The following ELF2 variants were observed in gnomAD, a reference collection of about 807,000 sequenced individuals.
The protein encoded by ELF2 is ETS-related transcription factor Elf-2.
ELF2 carries 11 observed loss-of-function variants against 54.8 expected under a neutral mutation model. The observed-to-expected ratio is 0.20, with a 90% CI of 0.13 to 0.33. ELF2 has a LOEUF of 0.33. Among genes scored for constraint, ELF2 ranks in the 10% least tolerant of loss-of-function variants. The pLI is 1.00. For missense variants in ELF2, 513 were observed against 703.0 expected (o/e 0.73, Z 3.06); for synonymous variants, 203 against 245.1 (o/e 0.83, Z 1.61).
At chr4:139,151,048 G>GAAAAGA (rs1231430491) in intron 1 of ELF2, among the ~76,000 whole-genome samples, 1 of 81,608 alleles carries the variant, frequency 1.2e-5, no homozygotes, top group African/African-American at 3.6e-5. Context: ...AAGAAAGAAA[G>GAAAAGA]AAAGAAAGAA....
At chr4:139,177,797 T>G (rs1274784003), upstream of ELF2, among the ~76,000 whole-genome samples, 1 of 152,112 alleles carries the variant, frequency 6.6e-6, no homozygotes, top group African/African-American at 2.4e-5. Context: ...ACTCTCGCCC[T>G]TCTCCGGAGA....
rs957104638 is a variant in ELF2, at chr4:139,057,645, A to G, written c.*1338T>C. On this transcript the variant is annotated 3_prime_UTR_variant, in exon 10 of 10. Coordinates refer to ENST00000686138, the MANE Select transcript of ELF2 (RefSeq NM_001331036.3). ...TTTAAGTGCAGCCAACTAAAATACTAAATTCATTACGTTAAGCAGAACATT... is the reference window on the plus strand; with the variant it reads ...TTTAAGTGCAGCCAACTAAAATACTGAATTCATTACGTTAAGCAGAACATT... The G allele has an allele frequency of 2.0e-5, 3 of 152,242 alleles. No individual in the cohort carries two copies. The highest frequency in any genetic ancestry group is 4.8e-5 in the African/African-American group (2 of 41,466). The allele number at this position is 152,242 out of a possible 1,614,324, so 9.4% of individuals were successfully genotyped here.
intron 1 of ELF2, among the ~76,000 whole-genome samples, chr4:139,145,822 T>C (rs1318503797): frequency 6.6e-6 from 1 of 151,986 alleles, no homozygotes; most frequent in African/African-American, 2.4e-5. Context: ...GAAAAAACAT[T>C]CAATAAAATC....
chr4:139,149,827 C>G (rs1032168506), intron 1 of ELF2, among the ~76,000 whole-genome samples: 15 of 152,140 alleles, frequency 9.9e-5, no homozygotes, highest in African/African-American at 3.6e-4. Context: ...CCAAATTAAT[C>G]TATCAAAAAA....
At chr4:139,115,133 G>C (rs1331032397) in intron 4 of ELF2, 48 of 1,613,384 alleles carry the variant, frequency 3.0e-5, no homozygotes, top group Non-Finnish European at 4.1e-5. Context: ...TCGTAGAGGC[G>C]CGTGAGCTGC....
At chr4:139,143,996 G>C (rs1738967828) in intron 1 of ELF2, among the ~76,000 whole-genome samples, 1 of 151,868 alleles carries the variant, frequency 6.6e-6, no homozygotes, top group Non-Finnish European at 1.5e-5. Context: ...ATTGGAGGTA[G>C]TATTGGCATG....
chr4:139,062,179 T>TG, intron 7 of ELF2, 122 bp from the exon 8 acceptor site: 2 of 1,093,868 alleles, frequency 1.8e-6, no homozygotes, highest in Non-Finnish European at 2.5e-6. Context: ...TTCTACTTTT[T>TG]TTTTTTTTGG....
intron 4 of ELF2, among the ~76,000 whole-genome samples, chr4:139,121,319 A>T (rs373926951): frequency 1.3e-5 from 2 of 151,348 alleles, no homozygotes; most frequent in African/African-American, 4.8e-5. Flanking sequence ...CGTGTTAGCC[A>T]GGATGGTCTC....
intron 4 of ELF2, among the ~76,000 whole-genome samples, chr4:139,117,600 C>A (rs1244688155): frequency 6.6e-6 from 1 of 152,064 alleles, no homozygotes; most frequent in Admixed American, 6.5e-5. Flanking sequence ...GAGACTGAGG[C>A]ACAAGAATTG....
chr4:139,169,217 G>A (rs925264526), intron 1 of ELF2, among the ~76,000 whole-genome samples: 21 of 151,844 alleles, frequency 1.4e-4, no homozygotes, highest in African/African-American at 5.1e-4. Context: ...GCATGGTGGC[G>A]CAGGCCTGTA....
chr4:139,118,592 G>A (rs1735991127), intron 4 of ELF2, among the ~76,000 whole-genome samples: 1 of 152,196 alleles, frequency 6.6e-6, no homozygotes, highest in Middle Eastern at 3.4e-3. Context: ...CTGATAAAGA[G>A]CTTCAGTAGA....
intron 6 of ELF2, 73 bp from the exon 7 acceptor site, chr4:139,067,843 T>C (rs1220817570): frequency 7.3e-7 from 1 of 1,371,692 alleles, no homozygotes; most frequent in Admixed American, 2.1e-5. Flanking sequence ...GCAGACTTTC[T>C]GATTACACAT....
chr4:139,140,421 C>T (rs911359117), intron 1 of ELF2, among the ~76,000 whole-genome samples: 2 of 152,138 alleles, frequency 1.3e-5, no homozygotes, highest in African/African-American at 4.8e-5. Flanking sequence ...ACTTCTTTCC[C>T]TCAACATATA....
intron 1 of ELF2, among the ~76,000 whole-genome samples, chr4:139,166,261 C>T (rs569756932): frequency 6.6e-6 from 1 of 152,232 alleles, no homozygotes; most frequent in East Asian, 1.9e-4. Context: ...GTAGTGTGCA[C>T]CTGTAATCCC....
chr4:139,133,734 G>A (rs1030751542), intron 3 of ELF2, among the ~76,000 whole-genome samples: 1 of 151,430 alleles, frequency 6.6e-6, no homozygotes, highest in Non-Finnish European at 1.5e-5. Context: ...CTTTAGTGTA[G>A]CTGGGACTAT....
intron 1 of ELF2, among the ~76,000 whole-genome samples, chr4:139,175,438 C>G (rs1468982773): frequency 1.3e-5 from 2 of 152,170 alleles, no homozygotes. Context: ...TACTAGATAT[C>G]GTCTCAATAA....
At chr4:139,127,814 A>G (rs1336174796) in intron 3 of ELF2, among the ~76,000 whole-genome samples, 1 of 151,906 alleles carries the variant, frequency 6.6e-6, no homozygotes, top group African/African-American at 2.4e-5. Context: ...AAAATACGAA[A>G]ATTAGCCAGG....
Position 139,063,032 on chromosome 4 carries a change from C to A in ELF2, c.614-975G>T, listed in dbSNP as rs564108305. 4.6e-5 allele frequency among the ~76,000 whole-genome samples: 7 copies of A among 152,138 alleles called. No individual in the cohort carries two copies. In the South Asian group the frequency reaches 1.5e-3, roughly 32 times the overall value. ...GCACTTTGGGAGGCCAGGAGGCGGG[C>A]ATATCACGTGAGGTCAGGAGTTCGA... On this transcript the variant is annotated intron_variant, in intron 7 of 9. Transcript: ENST00000686138.
chr4:139,141,269 T>C (rs745882671), intron 1 of ELF2, among the ~76,000 whole-genome samples: 15 of 152,230 alleles, frequency 9.9e-5, no homozygotes, highest in Non-Finnish European at 1.9e-4. Context: ...AGTTCTATTT[T>C]TGAGTTCTCA....
Sources: gnomAD v4.1 joint callset for allele counts (sites outside exome capture counted in the v4.1 genomes callset) on GRCh38, gnomAD v4.1.1 for gene constraint, MANE v1.5 for transcripts, NCBI Gene and HGNC (gene_info 2026-07-23, HGNC 2026-07-21) for gene names.